The following PTPRO variants were observed in gnomAD, a reference collection of about 807,000 sequenced individuals.
PTPRO encodes protein tyrosine phosphatase receptor type O, also known as receptor-type tyrosine-protein phosphatase O.
Under a neutral mutation model 145.2 loss-of-function variants are expected in PTPRO, and 62 were observed. That is an observed-to-expected ratio of 0.43 (90% CI 0.35 to 0.53). The LOEUF (loss-of-function observed/expected upper bound fraction) is 0.53, where lower values mean the gene tolerates loss of function less well. Ranked by LOEUF, PTPRO falls within the 20% of genes least tolerant of loss-of-function variation. The probability of loss-of-function intolerance (pLI) is 0.01; values close to 1 mark genes in which losing one functional copy is unlikely to be tolerated. For missense variants in PTPRO, 1,345 were observed against 1,482.7 expected, an observed-to-expected ratio of 0.91 and a Z score of 1.53; for synonymous variants, 565 against 514.7, an observed-to-expected ratio of 1.10 and a Z score of -1.32.
chr12:15,521,919 G>A (rs1942729386), intron 10 of PTPRO, among the ~76,000 whole-genome samples: 1 of 152,088 alleles, frequency 6.6e-6, no homozygotes, highest in Admixed American at 6.5e-5. Flanking sequence ...AATAAACTAT[G>A]GTTAATAGAC....
intron 1 of PTPRO, among the ~76,000 whole-genome samples, chr12:15,457,080 C>T (rs906079301): frequency 4.6e-5 from 7 of 152,090 alleles, no homozygotes; most frequent in South Asian, 2.1e-4. Flanking sequence ...TTTTCCTATG[C>T]GGATGCTTCC....
chr12:15,352,053 C>A (rs1047847761), intron 1 of PTPRO, among the ~76,000 whole-genome samples: 1 of 152,024 alleles, frequency 6.6e-6, no homozygotes, highest in African/African-American at 2.4e-5. Context: ...AGTGGAGGAC[C>A]CTCTTTGTGG....
intron 17 of PTPRO, among the ~76,000 whole-genome samples, chr12:15,561,472 G>C (rs1229407752): frequency 2.0e-5 from 3 of 152,062 alleles, no homozygotes; most frequent in African/African-American, 7.2e-5. Flanking sequence ...AAAGAGACTA[G>C]AGGAAAGCTT....
intron 1 of PTPRO, among the ~76,000 whole-genome samples, chr12:15,323,338 T>C (rs1380509217): frequency 6.6e-6 from 1 of 152,178 alleles, no homozygotes; most frequent in African/African-American, 2.4e-5. Flanking sequence ...TAAGGATTCC[T>C]CTCCCCAACT....
At chr12:15,433,722 GT>G (rs1174457416) in intron 1 of PTPRO, among the ~76,000 whole-genome samples, 2 of 152,130 alleles carry the variant, frequency 1.3e-5, no homozygotes, top group African/African-American at 4.8e-5. Context: ...TTACATATCT[GT>G]TTTTGTACCA....
intron 1 of PTPRO, chr12:15,337,336 G>A (rs1866797876): frequency 6.6e-6 from 1 of 152,146 alleles, no homozygotes; most frequent in South Asian, 2.1e-4. Flanking sequence ...GGATCCTTAT[G>A]TAAACTGAAT....
chr12:15,471,020 C>A (rs1314382710), intron 1 of PTPRO, among the ~76,000 whole-genome samples: 1 of 152,160 alleles, frequency 6.6e-6, no homozygotes, highest in Admixed American at 6.6e-5. Context: ...CACCTGGCTG[C>A]CTCTCACATG....
chr12:15,494,922 C>T (rs1226741018), intron 2 of PTPRO, among the ~76,000 whole-genome samples: 1 of 152,048 alleles, frequency 6.6e-6, no homozygotes, highest in East Asian at 1.9e-4. Context: ...TTTTAGTTCT[C>T]TTAGGGTCAG....
chr12:15,590,810 G>T (rs1334258939), intron 25 of PTPRO, among the ~76,000 whole-genome samples: 1 of 152,148 alleles, frequency 6.6e-6, no homozygotes. Flanking sequence ...ATTTAGTGTG[G>T]TGGGGACATC....
intron 1 of PTPRO, among the ~76,000 whole-genome samples, chr12:15,416,794 A>C (rs1290514816): frequency 3.3e-5 from 5 of 149,478 alleles, no homozygotes; most frequent in African/African-American, 1.3e-4. Context: ...TTTTTCTCTA[A>C]GCTATAAACA....
intron 1 of PTPRO, among the ~76,000 whole-genome samples, chr12:15,467,042 C>A (rs1941432348): frequency 6.6e-6 from 1 of 152,134 alleles, no homozygotes; most frequent in African/African-American, 2.4e-5. Flanking sequence ...GACTGCTAAT[C>A]TGAAAAGTGC....
rs756661481 is a variant in PTPRO, at chr12:15,503,930, G to A, written c.1128G>A (p.Met376Ile). The A allele has an allele frequency of 6.7e-5, 106 of 1,581,870 alleles. No individual in the cohort carries two copies. The Admixed American group carries it at 1.7e-3, about 25-fold the overall frequency. The change falls in exon 6 of 27, where the codon ATG becomes ATA. Residue 376 changes from methionine to isoleucine, a missense_variant. Physicochemically the swap from Met to Ile is conservative, Grantham distance 10. Transcript: ENST00000281171. ...EREENFTEYL[M>I]VDEEAHEFVA... ...TAGAGAACTTTACTGAATATTTGATGGTGGATGAAGAAGCACATGAATTTG... is the reference window on the plus strand; with the variant it reads ...TAGAGAACTTTACTGAATATTTGATAGTGGATGAAGAAGCACATGAATTTG...
chr12:15,387,078 T>C (rs190267306), intron 1 of PTPRO, among the ~76,000 whole-genome samples: 109 of 152,316 alleles, frequency 7.2e-4, no homozygotes, highest in African/African-American at 2.3e-3. Flanking sequence ...AAGCCAAATC[T>C]GTTTCAGAAT....
intron 25 of PTPRO, among the ~76,000 whole-genome samples, chr12:15,591,336 A>C (rs1379739201): frequency 6.6e-6 from 1 of 151,994 alleles, no homozygotes; most frequent in Non-Finnish European, 1.5e-5. Flanking sequence ...GTGCCACTGC[A>C]CTCCAGCCTG....
intron 25 of PTPRO, among the ~76,000 whole-genome samples, chr12:15,590,477 G>GT (rs1944525808): frequency 6.6e-6 from 1 of 152,106 alleles, no homozygotes; most frequent in Non-Finnish European, 1.5e-5. Flanking sequence ...TGTAATCAGG[G>GT]TATTTTTAAA....
At chr12:15,417,562 A>G (rs1940016711) in intron 1 of PTPRO, among the ~76,000 whole-genome samples, 1 of 151,696 alleles carries the variant, frequency 6.6e-6, no homozygotes, top group Non-Finnish European at 1.5e-5. Flanking sequence ...AAATGTAGAA[A>G]CTGGGGCCCA....
chr12:15,420,290 A>T (rs1005299140), intron 1 of PTPRO, among the ~76,000 whole-genome samples: 2 of 151,618 alleles, frequency 1.3e-5, no homozygotes, highest in African/African-American at 4.9e-5. Flanking sequence ...GCATGTCATG[A>T]GAACTTCCAA....
At chr12:15,381,831 T>G (rs1938871440) in intron 1 of PTPRO, among the ~76,000 whole-genome samples, 1 of 152,124 alleles carries the variant, frequency 6.6e-6, no homozygotes, top group Non-Finnish European at 1.5e-5. Flanking sequence ...CTTCAAAGTT[T>G]TAGCTGGAAA....
rs565978190 is a variant in PTPRO at position 15,415,973 on chromosome 12, A to G, written c.76-68001A>G. ...ACTTTCTTAAAATCAGAATTCCAAT[A>G]AAGTCTCTCATTTAAATTCAGGGGT... On this transcript the variant is annotated intron_variant, in intron 1 of 26. Transcript: ENST00000281171. Among the ~76,000 whole-genome samples the G allele has an allele frequency of 2.6e-5, 4 of 151,810 alleles. No individual in the cohort carries two copies. The South Asian group carries it at 8.3e-4, about 31-fold the overall frequency.
Sources: gnomAD v4.1 joint callset for allele counts (sites outside exome capture counted in the v4.1 genomes callset) on GRCh38, gnomAD v4.1.1 for gene constraint, MANE v1.5 for transcripts, NCBI Gene and HGNC (gene_info 2026-07-23, HGNC 2026-07-21) for gene names.